CHAT: variants seen among roughly 807,000 people sequenced by gnomAD.
CHAT encodes acetyl CoA:choline O-acetyltransferase.
Under a neutral mutation model 76.9 loss-of-function variants are expected in CHAT, and 61 were observed. That is an observed-to-expected ratio of 0.79 (90% CI 0.65 to 0.98). The LOEUF (loss-of-function observed/expected upper bound fraction) is 0.98, where lower values mean the gene tolerates loss of function less well. Among genes scored for constraint, CHAT ranks in the 50% least tolerant of loss-of-function variants. CHAT has a pLI of 0.00. For synonymous variants in CHAT, 407 were observed against 397.4 expected, an observed-to-expected ratio of 1.02 and a Z score of -0.29; for missense variants, 946 against 986.9, an observed-to-expected ratio of 0.96 and a Z score of 0.56.
chr10:49,618,985 G>A (rs992057239), intron 2 of CHAT, among the ~76,000 whole-genome samples: 1 of 152,158 alleles, frequency 6.6e-6, no homozygotes, highest in Non-Finnish European at 1.5e-5. Flanking sequence ...GACATCCACT[G>A]CATCCCCACC....
rs754879085 is a variant in CHAT, at chr10:49,616,459, T to A, written c.287-43T>A. On this transcript the variant is annotated intron_variant, in intron 1 of 14. Coordinates refer to ENST00000337653, the MANE Select transcript of CHAT (RefSeq NM_020549.5). ...GGAGGTGGAGGGTTTGTGACAGGCC[T>A]ATGTGGCTGCTGTGTTGATGCTTCC... 40 of 1,461,844 alleles carry A rather than the reference T, an allele frequency of 2.7e-5. No individual in the cohort carries two copies. The Admixed American group carries it at 7.2e-4, about 26-fold the overall frequency. The allele number at this position is 1,461,844 out of a possible 1,614,324, so 90.6% of individuals were successfully genotyped here.
At chr10:49,625,723 C>A in intron 6 of CHAT, 70 bp downstream of exon 6, 1 of 1,469,202 alleles carries the variant, frequency 6.8e-7, no homozygotes, top group South Asian at 1.2e-5. Flanking sequence ...CGTCCATTAC[C>A]TTCTCCGAGG....
chr10:49,627,818 C>T (rs778077630), intron 7 of CHAT, 33 bp downstream of exon 7: 46 of 1,606,270 alleles, frequency 2.9e-5, no homozygotes, highest in Non-Finnish European at 1.4e-5. Context: ...TCTCCATGCC[C>T]ATCTCATGCT....
In CHAT at chr10:49,625,619, A is replaced by C. The variant is rs1590573043; in HGVS notation, c.899A>C (p.Glu300Ala). The C allele has an allele frequency of 1.3e-6, 2 of 1,593,420 alleles. No individual in the cohort carries two copies. The highest frequency in any genetic ancestry group is 4.5e-5 in the East Asian group (2 of 44,132). ...LVAQNSSIMP[E>A]PEHVIVACCN... ...GCTCAGAACAGCAGCATCATGCCGG[A>C]GCCTGAGCACGTCATCGTAGCCTGC... The change falls in exon 6 of 15, where the codon GAG becomes GCG. Residue 300 changes from glutamate to alanine, a missense_variant. By Grantham distance (107) the Glu-to-Ala change is moderately radical. Around this residue, in one of 3 missense-constraint regions of CHAT, gnomAD observed 548 missense variants for 516.2 expected, o/e 1.06. Coordinates refer to ENST00000337653, the MANE Select transcript of CHAT (RefSeq NM_020549.5).
rs1554808562 is a variant in CHAT at position 49,655,460 on chromosome 10, C to T, written c.1839+12C>T. 35 of 1,612,240 alleles carry T rather than the reference C, an allele frequency of 2.2e-5. No homozygotes were observed. Among genetic ancestry groups the T allele is most frequent in the Non-Finnish European group, 2.9e-5 (34 of 1,178,608 alleles). ...CATACACAGTCATGGTGAGTGACGT[C>T]GCACCACCTCACAACACTGCACTTG... On this transcript the variant is annotated intron_variant, in intron 13 of 14. Coordinates refer to ENST00000337653, the MANE Select transcript of CHAT (RefSeq NM_020549.5).
intron 4 of CHAT, 76 bp from the exon 5 acceptor site, chr10:49,622,021 G>A (rs571912665): frequency 7.0e-5 from 106 of 1,515,622 alleles, no homozygotes; most frequent in Non-Finnish European, 9.0e-5. Context: ...AAGGAGGGAG[G>A]GGAGGCAGAA....
chr10:49,649,691 GCCTA>G (rs1439774714), intron 10 of CHAT, 55 bp downstream of exon 10: 1 of 1,602,106 alleles, frequency 6.2e-7, no homozygotes, highest in East Asian at 2.2e-5. Context: ...CCCCGCCCTT[GCCTA>G]CTAGCTCCCA....
chr10:49,642,700 A>ACT (rs1037079808), intron 7 of CHAT, among the ~76,000 whole-genome samples: 3 of 152,232 alleles, frequency 2.0e-5, no homozygotes, highest in African/African-American at 4.8e-5. Context: ...CAGTCTGCCC[A>ACT]CTCCACACTG....
At chr10:49,651,840 C>T in intron 10 of CHAT, 44 bp from the exon 11 acceptor site, 2 of 1,586,136 alleles carry the variant, frequency 1.3e-6, no homozygotes, top group Non-Finnish European at 1.7e-6. Context: ...TGCATGCATA[C>T]TGTTTTGCAT....
chr10:49,649,368 T>C, intron 9 of CHAT, 140 bp from the exon 10 acceptor site: 3 of 1,161,086 alleles, frequency 2.6e-6, no homozygotes, highest in Non-Finnish European at 3.8e-6. Flanking sequence ...ATCTGCACGG[T>C]GGTTCAGGGG....
intron 7 of CHAT, among the ~76,000 whole-genome samples, chr10:49,629,965 G>A (rs1023175147): frequency 4.6e-5 from 7 of 152,316 alleles, no homozygotes; most frequent in East Asian, 1.9e-4. Flanking sequence ...CATTGAAAGC[G>A]AGAACAATTC....
chr10:49,622,271 A>T, intron 5 of CHAT, 121 bp downstream of exon 5: 1 of 1,089,610 alleles, frequency 9.2e-7, no homozygotes, highest in East Asian at 2.4e-5. Flanking sequence ...CACAGAGCAG[A>T]TGTCCCTGCC....
intron 7 of CHAT, 83 bp downstream of exon 7, chr10:49,627,868 G>T: frequency 6.8e-7 from 1 of 1,473,406 alleles, no homozygotes; most frequent in Non-Finnish European, 9.2e-7. Flanking sequence ...TTGGGCCAGG[G>T]CCTCATCCCC....
intron 7 of CHAT, among the ~76,000 whole-genome samples, chr10:49,640,927 T>TA (rs1166254125): frequency 1.3e-5 from 2 of 152,174 alleles, no homozygotes; most frequent in East Asian, 1.9e-4. Context: ...ATATTTCAGG[T>TA]AAAAAACAAA....
rs369926257 is a variant in CHAT at position 49,649,648 on chromosome 10, C to A, written c.1511+12C>A. Reference sequence around the variant, plus strand: ...GAAAAACTTCAACGGTAAGGATAACCGAAGTCTCCTTTGAGGGGTCCCCTA... The same window carrying A: ...GAAAAACTTCAACGGTAAGGATAACAGAAGTCTCCTTTGAGGGGTCCCCTA... On this transcript the variant is annotated intron_variant, in intron 10 of 14. Transcript: ENST00000337653. 3 of 1,613,612 alleles carry A rather than the reference C, an allele frequency of 1.9e-6. No homozygotes were observed. The highest frequency in any genetic ancestry group is 2.2e-5 in the South Asian group (2 of 91,080).
intron 7 of CHAT, among the ~76,000 whole-genome samples, chr10:49,631,057 C>T (rs563094764): frequency 1.4e-4 from 22 of 152,262 alleles, no homozygotes; most frequent in African/African-American, 5.3e-4. Context: ...GTGATCTTCC[C>T]CACCAACGCT....
rs983905145 is a variant in CHAT at position 49,667,227 on chromosome 10, G to A, written c.*2181G>A. Reference sequence around the variant, plus strand: ...GAGAGAAAAGGGAGGAAAGAACTAAGTCTCTCCTAGTCTATGGCATGCTAT... The same window carrying A: ...GAGAGAAAAGGGAGGAAAGAACTAAATCTCTCCTAGTCTATGGCATGCTAT... On this transcript the variant is annotated 3_prime_UTR_variant, in exon 15 of 15. Transcript: ENST00000337653. 6.6e-6 allele frequency among the ~76,000 whole-genome samples: 1 copy of A among 152,162 alleles called. No individual in the cohort carries two copies. Among genetic ancestry groups the A allele is most frequent in the Non-Finnish European group, 1.5e-5 (1 of 68,036 alleles).
At position 49,665,193 on chromosome 10, in the gene CHAT, C is replaced by T; in HGVS notation, c.*147C>T. ...GACCATACAGAGACATCACACAGAG[C>T]CGGAGTGTTAGGAGGAAAGGGTCCC... is the stretch of plus-strand genomic sequence containing the variant. On this transcript the variant is annotated 3_prime_UTR_variant, in exon 15 of 15. Transcript: ENST00000337653. The T allele has an allele frequency of 2.2e-6, 2 of 891,632 alleles. No homozygotes were observed. The highest frequency in any genetic ancestry group is 1.4e-5 in the South Asian group (1 of 72,700). 55.2% of individuals were successfully genotyped at this position (891,632 alleles called of 1,614,324 possible). A position where few individuals can be genotyped will look rare whatever the true frequency, so the allele number is the denominator to read the frequency against.
At chr10:49,611,031 C>T (rs1209900185), upstream of CHAT, 10 of 1,613,972 alleles carry the variant, frequency 6.2e-6, no homozygotes, top group Middle Eastern at 6.6e-4. Context: ...CGGCCAACAC[C>T]TCGGCGTCCC....
Sources: allele counts gnomAD v4.1 joint callset (sites outside exome capture counted in the v4.1 genomes callset), GRCh38; gene constraint gnomAD v4.1.1; regional missense constraint gnomAD v4.1.1; transcripts MANE v1.5; gene names NCBI Gene and HGNC (gene_info 2026-07-23, HGNC 2026-07-21).